WASHC2A: variants seen among roughly 807,000 people sequenced by gnomAD.
WASHC2A encodes WASH complex subunit 2A.
Under a neutral mutation model 140.3 loss-of-function variants are expected in WASHC2A, and 82 were observed. That is an observed-to-expected ratio of 0.58 (90% CI 0.49 to 0.70). The LOEUF (loss-of-function observed/expected upper bound fraction) is 0.70. Among genes scored for constraint, WASHC2A ranks in the 30% least tolerant of loss-of-function variants. The pLI is 0.00. For missense variants in WASHC2A, 985 were observed against 1,521.8 expected (o/e 0.65, Z 5.87); for synonymous variants, 340 against 560.8 (o/e 0.61, Z 5.56).
At chr10:50,131,730 A>AC (rs1158790818) in intron 30 of WASHC2A, among the ~76,000 whole-genome samples, 2 of 152,320 alleles carry the variant, frequency 1.3e-5, no homozygotes, top group East Asian at 3.9e-4. Flanking sequence ...CTTGAGACTA[A>AC]CTGGGAGACA....
At chr10:50,088,551 C>T (rs1256640926) in intron 8 of WASHC2A, among the ~76,000 whole-genome samples, 73 of 151,548 alleles carry the variant, frequency 4.8e-4, no homozygotes, top group African/African-American at 1.6e-3. Context: ...TGAGCCACCA[C>T]GCCCAGCCAA....
intron 29 of WASHC2A, 47 bp from the exon 30 acceptor site, chr10:50,130,854 G>C (rs1358482196): frequency 5.1e-4 from 819 of 1,607,920 alleles, no homozygotes; most frequent in Non-Finnish European, 6.1e-4. Flanking sequence ...AGCTTAAAAA[G>C]AAAAATTGAT....
intron 15 of WASHC2A, among the ~76,000 whole-genome samples, 193 bp from the exon 16 acceptor site, chr10:50,097,482 C>T (rs1840599361): frequency 6.9e-6 from 1 of 144,464 alleles, no homozygotes; most frequent in Non-Finnish European, 1.6e-5. Context: ...TGTCTTTCAA[C>T]TGAACTGCTA....
intron 30 of WASHC2A, 51 bp downstream of exon 30, chr10:50,131,129 C>T: frequency 1.2e-6 from 2 of 1,611,972 alleles, no homozygotes; most frequent in South Asian, 1.1e-5. Context: ...CTTTCTGTCA[C>T]TTGGTATTTT....
At chr10:50,068,840 A>T (rs2805114) in intron 2 of WASHC2A, among the ~76,000 whole-genome samples, 6,040 of 123,172 alleles carry the variant, frequency 0.049, 160 homozygotes, top group Middle Eastern at 0.11. Flanking sequence ...GCGTCCTGAG[A>T]AGCTGGGACT....
Position 50,114,108 on chromosome 10 carries a change from G to A in WASHC2A, c.2142+111G>A. 6.1e-6 allele frequency: 2 copies of A among 327,528 alleles called. 1 individual carries two copies. The highest frequency in any genetic ancestry group is 2.1e-3 in the Middle Eastern group (2 of 948). The allele number at this position is 327,528 out of a possible 1,614,324, so 20.3% of individuals were successfully genotyped here. A position where few individuals can be genotyped will look rare whatever the true frequency, so the allele number is the denominator to read the frequency against. ...CTAACCTTGGAGGCTGAGTCTTATG[G>A]AAGACCTTATTTGCCTGGTTTCAGA... is the stretch of plus-strand genomic sequence containing the variant. On this transcript the variant is annotated intron_variant, in intron 21 of 30. Transcript: ENST00000282633.
intron 17 of WASHC2A, among the ~76,000 whole-genome samples, chr10:50,103,147 G>A (rs1274281163): frequency 2.0e-5 from 3 of 151,758 alleles, no homozygotes; most frequent in Admixed American, 2.0e-4. Flanking sequence ...ACAGCACCGA[G>A]CTGAAAGTTT....
intron 25 of WASHC2A, among the ~76,000 whole-genome samples, 165 bp downstream of exon 25, chr10:50,125,614 G>A (rs1213764163): frequency 4.6e-5 from 7 of 152,308 alleles, no homozygotes; most frequent in Middle Eastern, 3.4e-3. Context: ...AGGATGCAAT[G>A]CTTAGTTTCT....
chr10:50,071,884 T>A (rs1837860871), intron 3 of WASHC2A, among the ~76,000 whole-genome samples: 1 of 150,510 alleles, frequency 6.6e-6, no homozygotes, highest in South Asian at 2.1e-4. Context: ...TTTCCATCCA[T>A]CTCTCCATCC....
chr10:50,129,470 C>T lies in WASHC2A; in HGVS notation c.3139C>T (p.Arg1047Trp), dbSNP rs755802567. 39 of 1,611,922 alleles carry T rather than the reference C, an allele frequency of 2.4e-5. No homozygotes were observed. The highest frequency in any genetic ancestry group is 4.4e-5 in the South Asian group (4 of 90,996). Residue 1047 changes from arginine (R) to tryptophan (W), a missense_variant, in exon 29 of 31, where the codon CGG (arginine) becomes TGG (tryptophan). Coordinates refer to ENST00000282633, the MANE Select transcript of WASHC2A (RefSeq NM_001005751.3). ...KRRPQTRAAR[R>W]LAAQESSETE... ...TAGACCGCAGACCCGTGCAGCTAGG[C>T]GGCTGGCTGCTCAGGAGTCCAGCGA...
intron 30 of WASHC2A, 40 bp downstream of exon 30, chr10:50,131,118 CCTTT>C (rs1843929222): frequency 6.2e-7 from 1 of 1,611,832 alleles, no homozygotes; most frequent in East Asian, 2.2e-5. Flanking sequence ...AGAATTCTTA[CCTTT>C]CTGTCACTTG....
intron 3 of WASHC2A, among the ~76,000 whole-genome samples, chr10:50,072,086 A>G (rs1270655523): frequency 7.3e-6 from 1 of 136,950 alleles, no homozygotes; most frequent in Non-Finnish European, 1.6e-5. Flanking sequence ...TTTTTTTTCT[A>G]TTTTTAGTAG....
At chr10:50,089,704 T>C (rs1419610694) in intron 8 of WASHC2A, among the ~76,000 whole-genome samples, 1 of 152,234 alleles carries the variant, frequency 6.6e-6, no homozygotes, top group Admixed American at 6.5e-5. Flanking sequence ...TGACCTACCT[T>C]GGATGGCTCT....
At chr10:50,092,435 AT>A (rs1262543183) in intron 11 of WASHC2A, among the ~76,000 whole-genome samples, 1 of 152,114 alleles carries the variant, frequency 6.6e-6, no homozygotes, top group East Asian at 1.9e-4. Flanking sequence ...AGGCGGGCGG[AT>A]CATGAGGTCA....
At chr10:50,093,975 C>T in intron 13 of WASHC2A, 58 bp downstream of exon 13, 10 of 1,594,086 alleles carry the variant, frequency 6.3e-6, no homozygotes, top group Non-Finnish European at 8.6e-6. Context: ...CTGTCTTTCT[C>T]ACTAGGAGAT....
intron 13 of WASHC2A, 97 bp downstream of exon 13, chr10:50,094,014 C>G (rs1333354477): frequency 6.3e-7 from 1 of 1,598,038 alleles, no homozygotes. Context: ...AGCCTTGTTT[C>G]TGTGTTAAGC....
intron 30 of WASHC2A, 61 bp from the exon 31 acceptor site, chr10:50,132,745 G>T: frequency 6.2e-7 from 1 of 1,612,012 alleles, no homozygotes; most frequent in South Asian, 1.1e-5. Context: ...GCTTGCATGT[G>T]TCTTAAAAGT....
At chr10:50,103,265 A>T (rs1164674402) in intron 17 of WASHC2A, among the ~76,000 whole-genome samples, 65 of 149,602 alleles carry the variant, frequency 4.3e-4, no homozygotes, top group Non-Finnish European at 7.8e-4. Flanking sequence ...TATTTACTTA[A>T]AAGAAATATG....
intron 7 of WASHC2A, 49 bp from the exon 8 acceptor site, chr10:50,087,226 C>T: frequency 6.2e-7 from 1 of 1,612,970 alleles, no homozygotes; most frequent in Non-Finnish European, 8.5e-7. Context: ...CATTTCTGTG[C>T]TTCTAAGTAA....
Sources: gnomAD v4.1 joint callset for allele counts (sites outside exome capture counted in the v4.1 genomes callset) on GRCh38, gnomAD v4.1.1 for gene constraint, MANE v1.5 for transcripts, NCBI Gene and HGNC (gene_info 2026-07-23, HGNC 2026-07-21) for gene names.